LARGE1: variants seen among roughly 807,000 people sequenced by gnomAD.
The protein encoded by LARGE1 is LARGE xylosyl- and glucuronyltransferase 1.
A neutral mutation model predicts 87.6 loss-of-function variants in LARGE1; 43 were observed. The observed-to-expected ratio is 0.49, with a 90% CI of 0.38 to 0.63. The LOEUF (loss-of-function observed/expected upper bound fraction) is 0.63, where lower values mean the gene tolerates loss of function less well. LARGE1 is among the 30% of genes least tolerant of loss of function. The pLI, the probability that LARGE1 is intolerant of heterozygous loss-of-function variation, is 0.00. For missense variants in LARGE1, 802 were observed against 1,000.2 expected (o/e 0.80, Z 2.67); for synonymous variants, 434 against 394.6 (o/e 1.10, Z -1.18).
At chr22:33,182,114 A>G (rs1409796260) in intron 11 of LARGE1, among the ~76,000 whole-genome samples, 1 of 152,124 alleles carries the variant, frequency 6.6e-6, no homozygotes, top group African/African-American at 2.4e-5. Context: ...GAGCCACCGC[A>G]CCCAACAGGG....
At chr22:33,637,886 T>G (rs1469088407) in intron 3 of LARGE1, among the ~76,000 whole-genome samples, 1 of 152,200 alleles carries the variant, frequency 6.6e-6, no homozygotes, top group Non-Finnish European at 1.5e-5. Flanking sequence ...TTGTTAAGTT[T>G]TGAGGGTACC....
chr22:33,910,637 C>A (rs900910546), intron 1 of LARGE1, among the ~76,000 whole-genome samples: 1 of 152,180 alleles, frequency 6.6e-6, no homozygotes, highest in Admixed American at 6.5e-5. Flanking sequence ...AAGCCAGGAC[C>A]TGCACACAGT....
At chr22:33,846,003 T>C (rs1017535083) in intron 1 of LARGE1, among the ~76,000 whole-genome samples, 2 of 152,242 alleles carry the variant, frequency 1.3e-5, no homozygotes, top group Non-Finnish European at 1.5e-5. Flanking sequence ...TACAATTTCC[T>C]TGGTGAAGAA....
At chr22:33,366,761 T>C (rs75384462) in intron 9 of LARGE1, among the ~76,000 whole-genome samples, 1,849 of 152,298 alleles carry the variant, frequency 0.012, 22 homozygotes, top group African/African-American at 0.037. Flanking sequence ...ATTACCTAGT[T>C]TCAGTCTCGA....
At chr22:33,553,823 T>A (rs2077598410) in intron 6 of LARGE1, among the ~76,000 whole-genome samples, 2 of 152,038 alleles carry the variant, frequency 1.3e-5, no homozygotes, top group South Asian at 4.2e-4. Flanking sequence ...ACATCTCACA[T>A]CTACCTCCAG....
intron 2 of LARGE1, among the ~76,000 whole-genome samples, chr22:33,740,253 CCAGA>C (rs2083828808): frequency 6.6e-6 from 1 of 152,112 alleles, no homozygotes; most frequent in Admixed American, 6.5e-5. Flanking sequence ...TTGGATGTCC[CCAGA>C]TACTTAGGTG....
chr22:33,858,571 G>T (rs1434572500), intron 1 of LARGE1, among the ~76,000 whole-genome samples: 1 of 151,780 alleles, frequency 6.6e-6, no homozygotes, highest in Non-Finnish European at 1.5e-5. Context: ...TACCTGATTG[G>T]TCGGGTGTGA....
intron 2 of LARGE1, chr22:33,726,077 T>C (rs2083262980): frequency 6.6e-6 from 1 of 150,774 alleles, no homozygotes; most frequent in Non-Finnish European, 1.5e-5. Context: ...TAAATCACTA[T>C]TTATTTTCAC....
At position 33,280,999 on chromosome 22, in the gene LARGE1, G is replaced by A. The variant is rs531475141; in HGVS notation, c.1877+2203C>T. On this transcript the variant is annotated intron_variant, in intron 13 of 14. Coordinates refer to ENST00000397394, the MANE Select transcript of LARGE1 (RefSeq NM_133642.5). ...GCCACCGCCCTAGAGGACTTGTAGG[G>A]GTGTGGATGTTTTCTCATTCCAGGT... Among the ~76,000 whole-genome samples the A allele has an allele frequency of 1.5e-4, 23 of 152,286 alleles. No individual in the cohort carries two copies. The South Asian group carries it at 3.1e-3, about 21-fold the overall frequency.
At chr22:33,306,746 C>G (rs766211345) in intron 11 of LARGE1, among the ~76,000 whole-genome samples, 2 of 151,752 alleles carry the variant, frequency 1.3e-5, no homozygotes, top group East Asian at 3.9e-4. Flanking sequence ...TGGTAGTGAA[C>G]GCCTGTAGTC....
the LARGE1 span, among the ~76,000 whole-genome samples, chr22:33,083,982 T>A: frequency 6.6e-6 from 1 of 152,198 alleles, no homozygotes; most frequent in African/African-American, 2.4e-5. Context: ...CTCTTCAGCC[T>A]GATCTCCAGC....
At chr22:33,681,818 T>C (rs73170515) in intron 2 of LARGE1, among the ~76,000 whole-genome samples, 11,213 of 152,294 alleles carry the variant, frequency 0.074, 535 homozygotes, top group Middle Eastern at 0.11. Context: ...CAGAGGCACA[T>C]TCAGGGTCAT....
At chr22:33,691,570 C>T (rs2082101310) in intron 2 of LARGE1, among the ~76,000 whole-genome samples, 1 of 152,126 alleles carries the variant, frequency 6.6e-6, no homozygotes, top group Admixed American at 6.5e-5. Flanking sequence ...GCAAGCAAAA[C>T]GCATGCCTCT....
chr22:33,594,387 C>A (rs1468236677), intron 5 of LARGE1, among the ~76,000 whole-genome samples: 1 of 152,178 alleles, frequency 6.6e-6, no homozygotes, highest in African/African-American at 2.4e-5. Context: ...AGGGCCTCAT[C>A]GAAAATACCA....
At chr22:33,351,677 T>A (rs922762295) in intron 9 of LARGE1, among the ~76,000 whole-genome samples, 2 of 152,156 alleles carry the variant, frequency 1.3e-5, no homozygotes, top group Non-Finnish European at 2.9e-5. Context: ...AGATGGATCT[T>A]AATCCCTCCA....
At chr22:33,139,640 A>C in the LARGE1 span, among the ~76,000 whole-genome samples, 1 of 151,714 alleles carries the variant, frequency 6.6e-6, no homozygotes, top group Non-Finnish European at 1.5e-5. Context: ...TTTCTTTTTT[A>C]TTTTATAATT....
intron 9 of LARGE1, among the ~76,000 whole-genome samples, chr22:33,358,976 C>T (rs938960428): frequency 3.4e-5 from 5 of 147,112 alleles, no homozygotes; most frequent in African/African-American, 7.6e-5. Context: ...CCAGCCTGGG[C>T]GACAGAGTGA....
intron 11 of LARGE1, among the ~76,000 whole-genome samples, chr22:33,263,036 G>A (rs914628486): frequency 1.3e-5 from 2 of 151,906 alleles, no homozygotes; most frequent in Non-Finnish European, 2.9e-5. Flanking sequence ...GCGATTACAG[G>A]CACGCACCAC....
intron 5 of LARGE1, among the ~76,000 whole-genome samples, chr22:33,594,638 C>T (rs768214297): frequency 1.3e-5 from 2 of 152,192 alleles, no homozygotes; most frequent in African/African-American, 2.4e-5. Flanking sequence ...TGGAGTTTTG[C>T]TCTTGTCGCC....
Sources: allele counts gnomAD v4.1 joint callset (sites outside exome capture counted in the v4.1 genomes callset), GRCh38; gene constraint gnomAD v4.1.1; transcripts MANE v1.5; gene names NCBI Gene and HGNC (gene_info 2026-07-23, HGNC 2026-07-21).